The following WARS2 variants were observed in gnomAD, a reference collection of about 807,000 sequenced individuals.
WARS2 encodes the protein tryptophanyl tRNA synthetase 2, mitochondrial, also known as tryptophan--tRNA ligase, mitochondrial.
A neutral mutation model predicts 36.5 loss-of-function variants in WARS2; 28 were observed. The observed-to-expected ratio is 0.77, with a 90% CI of 0.57 to 1.05. WARS2 has a LOEUF of 1.05. Among genes scored for constraint, WARS2 ranks in the 50% least tolerant of loss-of-function variants. The probability of loss-of-function intolerance (pLI) is 0.00; values close to 1 mark genes in which losing one functional copy is unlikely to be tolerated. For missense variants in WARS2, 435 were observed against 456.8 expected (o/e 0.95, Z 0.44); for synonymous variants, 174 against 178.4 (o/e 0.98, Z 0.20).
chr1:119,098,236 G>A lies in WARS2; in HGVS notation c.91-21629C>T, dbSNP rs587603721. Among the ~76,000 whole-genome samples, 19 of 152,054 alleles carry A rather than the reference G, an allele frequency of 1.2e-4. No homozygotes were observed. The South Asian group carries it at 1.7e-3, about 13-fold the overall frequency. ...TGCACTCCAACCAGGGCAGCAGAGC[G>A]AGACACCGTCTCAAAACAAAACAAA... is the stretch of plus-strand genomic sequence containing the variant. On this transcript the variant is annotated intron_variant, in intron 1 of 5. Coordinates refer to ENST00000235521, the MANE Select transcript of WARS2 (RefSeq NM_015836.4).
chr1:119,105,222 GGATT>G (rs1315989627), intron 1 of WARS2, among the ~76,000 whole-genome samples: 1 of 152,090 alleles, frequency 6.6e-6, no homozygotes, highest in Admixed American at 6.6e-5. Flanking sequence ...TGAATACTAA[GGATT>G]AATTGGTAAA....
At chr1:119,140,403 G>A (rs2101595709) in intron 1 of WARS2, 152 bp downstream of exon 1, 2 of 597,070 alleles carry the variant, frequency 3.3e-6, no homozygotes, top group Admixed American at 7.0e-5. Context: ...TACGCTCTGA[G>A]CAGGCCGACA....
At chr1:119,128,064 T>C (rs587685066) in intron 1 of WARS2, among the ~76,000 whole-genome samples, 3 of 152,282 alleles carry the variant, frequency 2.0e-5, no homozygotes, top group Admixed American at 6.5e-5. Flanking sequence ...GTAAATTCTT[T>C]TTTTTAAAAT....
At chr1:119,034,266 G>T in intron 4 of WARS2, 53 bp from the exon 5 acceptor site, 29 of 1,413,350 alleles carry the variant, frequency 2.1e-5, no homozygotes, top group Non-Finnish European at 2.9e-5. Context: ...CTTAGAGACA[G>T]AAATGATATT....
intron 1 of WARS2, chr1:119,086,013 A>G: frequency 1.3e-6 from 2 of 1,558,020 alleles, no homozygotes; most frequent in Non-Finnish European, 1.8e-6. Flanking sequence ...AGTGTGGCAC[A>G]TACCCTGGCT....
At chr1:119,138,338 A>T (rs1387811028) in intron 1 of WARS2, among the ~76,000 whole-genome samples, 1 of 152,198 alleles carries the variant, frequency 6.6e-6, no homozygotes, top group African/African-American at 2.4e-5. Context: ...AGGCCATTTT[A>T]ATAACAGCAT....
At chr1:119,122,234 A>G (rs1655371193) in intron 1 of WARS2, among the ~76,000 whole-genome samples, 1 of 152,210 alleles carries the variant, frequency 6.6e-6, no homozygotes, top group Admixed American at 6.5e-5. Context: ...TGGGCTAAGG[A>G]CATGAATAGA....
At chr1:119,068,625 T>C (rs1651056664) in intron 2 of WARS2, among the ~76,000 whole-genome samples, 2 of 152,200 alleles carry the variant, frequency 1.3e-5, no homozygotes, top group South Asian at 2.1e-4. Context: ...CCTCCACTTT[T>C]TATCTTCCAT....
intron 1 of WARS2, among the ~76,000 whole-genome samples, chr1:119,077,452 C>A (rs1047789694): frequency 3.3e-5 from 5 of 152,066 alleles, no homozygotes; most frequent in Non-Finnish European, 7.4e-5. Context: ...CTAAAGGCTA[C>A]TACTATTGCC....
chr1:119,139,121 A>T (rs1479783722), intron 1 of WARS2, among the ~76,000 whole-genome samples: 1 of 152,198 alleles, frequency 6.6e-6, no homozygotes, highest in Non-Finnish European at 1.5e-5. Flanking sequence ...TATAAATTAT[A>T]AATAATCATC....
chr1:119,065,583 C>G (rs1650768841), intron 2 of WARS2, among the ~76,000 whole-genome samples: 1 of 142,886 alleles, frequency 7.0e-6, no homozygotes, highest in African/African-American at 2.6e-5. Context: ...TGCAGTGAGC[C>G]AAGATCATGC....
At chr1:119,033,753 G>A (rs890720192) in intron 5 of WARS2, among the ~76,000 whole-genome samples, 4 of 152,104 alleles carry the variant, frequency 2.6e-5, no homozygotes, top group Non-Finnish European at 4.4e-5. Context: ...AACTTACAAT[G>A]GCTTTATCAG....
intron 2 of WARS2, among the ~76,000 whole-genome samples, chr1:119,074,742 GAAAAAACAACTAATAA>G (rs1264871824): frequency 6.6e-6 from 1 of 151,706 alleles, no homozygotes; most frequent in African/African-American, 2.4e-5. Flanking sequence ...AAAATATTAG[GAAAAAACAACTAATAA>G]AAATAACACC....
rs587728324 is a variant in WARS2, at chr1:119,130,427, A to G, written c.90+10128T>C. Among the ~76,000 whole-genome samples the G allele has an allele frequency of 7.2e-5, 11 of 152,310 alleles. No homozygotes were observed. The South Asian group carries it at 2.3e-3, about 32-fold the overall frequency. ...CCTAGTATAATTAGTGGTACCTGTG[A>G]AAAATACAATTAGGGCCAGAGTGAC... On this transcript the variant is annotated intron_variant, in intron 1 of 5. Transcript: ENST00000235521.
chr1:119,139,626 C>T (rs1188607695), intron 1 of WARS2: 1 of 152,184 alleles, frequency 6.6e-6, no homozygotes, highest in East Asian at 1.9e-4. Flanking sequence ...GTTTTCAACA[C>T]AACAGTTACA....
chr1:119,087,685 G>A (rs1282260095), intron 1 of WARS2, among the ~76,000 whole-genome samples: 1 of 152,234 alleles, frequency 6.6e-6, no homozygotes, highest in Non-Finnish European at 1.5e-5. Flanking sequence ...TATGCATGCA[G>A]AGGAGGTTGT....
intron 1 of WARS2, among the ~76,000 whole-genome samples, chr1:119,083,640 T>C (rs927373704): frequency 2.0e-5 from 3 of 152,174 alleles, no homozygotes; most frequent in Admixed American, 1.3e-4. Context: ...TATAGAGTCA[T>C]GACACTTTGG....
At chr1:119,085,457 T>A in intron 1 of WARS2, 1 of 1,518,948 alleles carries the variant, frequency 6.6e-7, no homozygotes, top group Non-Finnish European at 8.8e-7. Context: ...TCTCTTTTTC[T>A]TTTTTTCCTT....
intron 1 of WARS2, among the ~76,000 whole-genome samples, chr1:119,111,538 G>A (rs1378225474): frequency 1.3e-5 from 2 of 152,110 alleles, no homozygotes; most frequent in Non-Finnish European, 2.9e-5. Context: ...GAGTGCTCTG[G>A]CATATTTCAA....
Sources: gnomAD v4.1 joint callset for allele counts (sites outside exome capture counted in the v4.1 genomes callset) on GRCh38, gnomAD v4.1.1 for gene constraint, MANE v1.5 for transcripts, NCBI Gene and HGNC (gene_info 2026-07-23, HGNC 2026-07-21) for gene names.